Variants in FANCM observed in about 807,000 individuals in gnomAD.
FANCM encodes the protein Fanconi anemia group M protein.
A neutral mutation model predicts 199.5 loss-of-function variants in FANCM; 140 were observed. The ratio of observed to expected loss-of-function variants is 0.70; its 90% confidence interval spans 0.61 to 0.81. The LOEUF is 0.81. FANCM is among the 30% of genes least tolerant of loss of function. The probability of loss-of-function intolerance (pLI) is 0.00; values close to 1 mark genes in which losing one functional copy is unlikely to be tolerated. For synonymous variants in FANCM, 840 were observed against 836.8 expected (o/e 1.00, Z -0.07); for missense variants, 2,410 against 2,421.4 (o/e 1.00, Z 0.10).
intron 9 of FANCM, among the ~76,000 whole-genome samples, chr14:45,162,850 T>C (rs961641992): frequency 2.6e-5 from 4 of 152,156 alleles, no homozygotes; most frequent in Non-Finnish European, 4.4e-5. Flanking sequence ...AAAAAATGTA[T>C]CTAGCACTGT....
chr14:45,183,007 A>G (rs551679903), intron 16 of FANCM, among the ~76,000 whole-genome samples: 1 of 152,202 alleles, frequency 6.6e-6, no homozygotes, highest in Non-Finnish European at 1.5e-5. Context: ...TTTCTACTGC[A>G]TGCATATCAC....
rs1885957482 is a variant in FANCM, at chr14:45,141,554, AC to A, written c.759+846del. ...CTCCCTGTTCCCTTCCCCTTACCTT[AC>A]GTTCCCCTCCTTTCCTCTCCTTTCC... On this transcript the variant is annotated intron_variant, in intron 3 of 22. Transcript: ENST00000267430. Among the ~76,000 whole-genome samples the A allele has an allele frequency of 3.0e-5, 3 of 101,064 alleles. No individual in the cohort carries two copies. The Admixed American group carries it at 3.9e-4, about 13-fold the overall frequency. The allele number at this position is 101,064 out of a possible 152,430, so 66.3% of individuals were successfully genotyped here. A position where few individuals can be genotyped will look rare whatever the true frequency, so the allele number is the denominator to read the frequency against.
At chr14:45,197,767 CT>C (rs112878615) in intron 21 of FANCM, among the ~76,000 whole-genome samples, 25,281 of 118,240 alleles carry the variant, frequency 0.21, 2,687 homozygotes, top group African/African-American at 0.35. Context: ...GCCCAGCCTT[CT>C]TTTTTTTTTT....
chr14:45,147,560 C>T (rs1886494487), intron 3 of FANCM, among the ~76,000 whole-genome samples: 1 of 151,986 alleles, frequency 6.6e-6, no homozygotes, highest in Non-Finnish European at 1.5e-5. Flanking sequence ...TGGGATTACA[C>T]CCTTAGGCGT....
At chr14:45,150,298 T>C (rs367554274) in intron 4 of FANCM, among the ~76,000 whole-genome samples, 2 of 152,226 alleles carry the variant, frequency 1.3e-5, no homozygotes, top group South Asian at 2.1e-4. Flanking sequence ...TACTAGTGCA[T>C]TTTTAATTGA....
Position 45,176,921 on chromosome 14 carries a change from A to G in FANCM, c.4167A>G (p.Glu1389=). ...STFDYSEFSL[E]KSKSSGPMYL... ...TTGATTATTCAGAATTTTCTCTAGAAAAGTCTAAAAGCAGTGGTCCAATGT... is the reference window on the plus strand; with the variant it reads ...TTGATTATTCAGAATTTTCTCTAGAGAAGTCTAAAAGCAGTGGTCCAATGT... The change falls in exon 14 of 23, where the codon GAA becomes GAG. Residue 1389 remains glutamate, a synonymous_variant. Transcript: ENST00000267430. 6.2e-7 allele frequency: 1 copy of G among 1,611,524 alleles called. No individual in the cohort carries two copies. Among genetic ancestry groups the G allele is most frequent in the Non-Finnish European group, 8.5e-7 (1 of 1,178,102 alleles).
Position 45,148,951 on chromosome 14 carries a change from C to G in FANCM, c.874C>G (p.Pro292Ala), listed in dbSNP as rs142747831. 142 of 1,613,794 alleles carry G rather than the reference C, an allele frequency of 8.8e-5. No homozygotes were observed. The African/African-American group carries it at 1.5e-3, about 17-fold the overall frequency. The stretch of plus-strand genomic sequence containing the variant: ...AAGAAAAGTTGAAAAGCTTATTGTT[C>G]CGCTTGGTGAAGAACTTGCAGCCAT... ...HERKVEKLIV[P>A]LGEELAAIQK... is the part of the protein sequence containing the mutation. Residue 292 changes from proline to alanine, a missense_variant, in exon 4 of 23, where the codon CCG (proline) becomes GCG (alanine). Pro to Ala is a conservative substitution (Grantham distance 27). Transcript: ENST00000267430.
At chr14:45,179,584 GAC>G (rs1888936473) in intron 14 of FANCM, among the ~76,000 whole-genome samples, 1 of 111,996 alleles carries the variant, frequency 8.9e-6, no homozygotes, top group African/African-American at 3.5e-5. Flanking sequence ...TTTTTTTTGA[GAC>G]AGTCTCACTC....
chr14:45,159,804 G>A (rs906006244), intron 9 of FANCM, among the ~76,000 whole-genome samples: 4 of 151,946 alleles, frequency 2.6e-5, no homozygotes, highest in Middle Eastern at 3.4e-3. Flanking sequence ...GAGGACATTC[G>A]GTTTTCTAAG....
intron 14 of FANCM, 49 bp from the exon 15 acceptor site, chr14:45,181,381 G>A (rs1421087424): frequency 3.0e-6 from 3 of 1,000,652 alleles, no homozygotes; most frequent in Non-Finnish European, 4.7e-6. Flanking sequence ...TTATGATTGG[G>A]TAAACCTAAA....
chr14:45,188,874 T>C lies in FANCM; in HGVS notation c.4852T>C (p.Ser1618Pro), dbSNP rs1178552727. ...TGAAGAGGAGTCTTGCAAAGGCCAA[T>C]CAAGTGAAGAAGAAGTTTGTGTTGA... ...VDEEESCKGQ[S>P]SEEEVCVDFN... Residue 1618 changes from serine (S) to proline (P), a missense_variant, in exon 20 of 23, where the codon TCA becomes CCA. Physicochemically the swap from Ser to Pro is moderately conservative, Grantham distance 74 (BLOSUM62 -1). Transcript: ENST00000267430. 1.9e-6 allele frequency: 3 copies of C among 1,613,670 alleles called. No individual in the cohort carries two copies. In the Admixed American group the frequency reaches 5.0e-5, roughly 27 times the overall value.
At chr14:45,148,244 T>C (rs1886568969) in intron 3 of FANCM, among the ~76,000 whole-genome samples, 1 of 137,928 alleles carries the variant, frequency 7.3e-6, no homozygotes, top group Non-Finnish European at 1.5e-5. Flanking sequence ...CAAAACAACT[T>C]TTAATTTTTA....
chr14:45,159,338 TC>T, intron 9 of FANCM, 58 bp downstream of exon 9: 1 of 1,328,200 alleles, frequency 7.5e-7, no homozygotes, highest in Non-Finnish European at 1.1e-6. Flanking sequence ...TTGCACTTGT[TC>T]TTTTTTTGTT....
At position 45,185,353 on chromosome 14, in the gene FANCM, A is replaced by C. The variant is rs1232854020; in HGVS notation, c.4652A>C (p.Gln1551Pro). Residue 1551 changes from glutamine to proline, a missense_variant, in exon 18 of 23, where the codon CAA becomes CCA. Coordinates refer to ENST00000267430, the MANE Select transcript of FANCM (RefSeq NM_020937.4). ...CTTGACTTTTTAAATGATGAAACTC[A>C]ACTTTCACAGGCTATAAATGGTAAA... is the stretch of plus-strand genomic sequence containing the variant. ...SLLDFLNDET[Q>P]LSQAINDSEM... is the part of the protein sequence containing the mutation. 6.3e-7 allele frequency: 1 copy of C among 1,591,272 alleles called. No homozygotes were observed. Among genetic ancestry groups the C allele is most frequent in the East Asian group, 2.2e-5 (1 of 44,560 alleles).
Position 45,136,160 on chromosome 14 carries a change from A to T in FANCM, c.129A>T (p.Pro43=), listed in dbSNP as rs1228978670. 1.9e-6 allele frequency: 3 copies of T among 1,614,180 alleles called. No individual in the cohort carries two copies. The highest frequency in any genetic ancestry group is 2.5e-6 in the Non-Finnish European group (3 of 1,180,032). The change falls in exon 1 of 23, where the codon CCA becomes CCT. Residue 43 remains proline (P), a synonymous_variant. Coordinates refer to ENST00000267430, the MANE Select transcript of FANCM (RefSeq NM_020937.4). The part of the protein sequence containing the change: ...QSPGSSKAPL[P]AAAEAQLESD... ...CTGGCAGCTCCAAGGCGCCTTTGCC[A>T]GCAGCAGCGGAGGCTCAGCTGGAGT...
rs1361433733 is a variant in FANCM at position 45,166,952 on chromosome 14, T to G, written c.1791T>G (p.Ile597Met). 1 of 1,489,330 alleles carries G rather than the reference T, an allele frequency of 6.7e-7. No individual in the cohort carries two copies. 92.3% of individuals were successfully genotyped at this position (1,489,330 alleles called of 1,614,324 possible). A position where few individuals can be genotyped will look rare whatever the true frequency, so the allele number is the denominator to read the frequency against. ...IILSEGREERIYNQSQSNKRS... is the reference protein window; with the variant it reads ...IILSEGREERMYNQSQSNKRS... Reference sequence around the variant, plus strand: ...ACATTTTCTATTTGTTTTTACAGATTTATAATCAGAGTCAGTCCAACAAAA... The same window carrying G: ...ACATTTTCTATTTGTTTTTACAGATGTATAATCAGAGTCAGTCCAACAAAA... Residue 597 changes from isoleucine (I) to methionine (M), a missense_variant and splice_region_variant, in exon 11 of 23, where the codon ATT (isoleucine) becomes ATG (methionine). Coordinates refer to ENST00000267430, the MANE Select transcript of FANCM (RefSeq NM_020937.4).
intron 9 of FANCM, among the ~76,000 whole-genome samples, chr14:45,159,967 AT>A (rs1887467629): frequency 1.4e-5 from 2 of 141,100 alleles, no homozygotes; most frequent in Non-Finnish European, 3.1e-5. Context: ...TCCTTTTTTG[AT>A]TCTGCAGACG....
In FANCM at chr14:45,159,091, T is replaced by C. The variant is rs1241721878; in HGVS notation, c.1397-5T>C. ...TGTAATTAAAGTTTTTATATATATA[T>C]ATAGCTGAAAACACTACTGAAAAGA... On this transcript the variant is annotated splice_polypyrimidine_tract_variant and splice_region_variant and intron_variant, in intron 8 of 22. Coordinates refer to ENST00000267430, the MANE Select transcript of FANCM (RefSeq NM_020937.4). 6.4e-7 allele frequency: 1 copy of C among 1,550,390 alleles called. No individual in the cohort carries two copies. Among genetic ancestry groups the C allele is most frequent in the Admixed American group, 1.7e-5 (1 of 58,740 alleles).
At chr14:45,152,816 C>G (rs970298758) in intron 5 of FANCM, among the ~76,000 whole-genome samples, 1 of 152,090 alleles carries the variant, frequency 6.6e-6, no homozygotes, top group African/African-American at 2.4e-5. Flanking sequence ...ACTATTATAC[C>G]ACGAAATGTG....
Sources: gnomAD v4.1 joint callset for allele counts (sites outside exome capture counted in the v4.1 genomes callset) on GRCh38, gnomAD v4.1.1 for gene constraint, MANE v1.5 for transcripts, NCBI Gene and HGNC (gene_info 2026-07-23, HGNC 2026-07-21) for gene names.